Variants in ADAM2 observed in about 807,000 individuals in gnomAD.
ADAM2 encodes ADAM metallopeptidase domain 2.
Under a neutral mutation model 99.3 loss-of-function variants are expected in ADAM2, and 101 were observed. That is an observed-to-expected ratio of 1.02 (90% CI 0.87 to 1.20). The LOEUF (loss-of-function observed/expected upper bound fraction) is 1.20, where lower values mean the gene tolerates loss of function less well. Ranked by LOEUF, ADAM2 falls within the 50% of genes most tolerant of loss-of-function variation. The pLI, the probability that ADAM2 is intolerant of heterozygous loss-of-function variation, is 0.00. For synonymous variants in ADAM2, 323 were observed against 287.6 expected, an observed-to-expected ratio of 1.12 and a Z score of -1.25; for missense variants, 948 against 878.7, an observed-to-expected ratio of 1.08 and a Z score of -1.00.
intron 11 of ADAM2, among the ~76,000 whole-genome samples, chr8:39,770,039 C>T (rs1185211444): frequency 6.6e-6 from 1 of 151,360 alleles, no homozygotes; most frequent in East Asian, 1.9e-4. Flanking sequence ...GTCCATCTCC[C>T]GGTTCAAGCA....
intron 6 of ADAM2, among the ~76,000 whole-genome samples, chr8:39,814,687 T>C (rs1804866353): frequency 2.6e-5 from 4 of 151,968 alleles, no homozygotes; most frequent in Admixed American, 2.6e-4. Context: ...TAGATAGATA[T>C]GGGGTGTGTG....
intron 6 of ADAM2, 28 bp downstream of exon 6, chr8:39,820,974 C>A: frequency 6.9e-7 from 1 of 1,457,410 alleles, no homozygotes; most frequent in Non-Finnish European, 9.4e-7. Flanking sequence ...TAGTAATAAC[C>A]ATAGAGTTTG....
At chr8:39,826,312 C>T (rs1160910274) in intron 3 of ADAM2, among the ~76,000 whole-genome samples, 1 of 152,120 alleles carries the variant, frequency 6.6e-6, no homozygotes, top group Admixed American at 6.6e-5. Context: ...TGGTGTTTGA[C>T]AAAATTGTCA....
rs547990668 is a variant in ADAM2 at position 39,784,513 on chromosome 8, GGCCTTCCACCAT to G, written c.891+2449_891+2460del. Among the ~76,000 whole-genome samples, 9 of 152,130 alleles carry G rather than the reference GGCCTTCCACCAT, an allele frequency of 5.9e-5. No individual in the cohort carries two copies. The South Asian group carries it at 1.9e-3, about 32-fold the overall frequency. On this transcript the variant is annotated intron_variant, in intron 10 of 20. Coordinates refer to ENST00000265708, the MANE Select transcript of ADAM2 (RefSeq NM_001464.5). ...CTCCTACCTCAGTTAGGACTACAGG[GGCCTTCCACCAT>G]GCCTGGCGAATATTTATATTTTTTT...
intron 4 of ADAM2, among the ~76,000 whole-genome samples, chr8:39,822,754 T>G (rs1437000571): frequency 1.3e-5 from 2 of 151,966 alleles, no homozygotes; most frequent in Non-Finnish European, 2.9e-5. Flanking sequence ...CTGTTTTTTT[T>G]TTGTTTTGTT....
At chr8:39,811,928 G>A (rs1308490524) in intron 6 of ADAM2, among the ~76,000 whole-genome samples, 2 of 152,114 alleles carry the variant, frequency 1.3e-5, no homozygotes, top group African/African-American at 2.4e-5. Flanking sequence ...TTCTGGCCAG[G>A]GCAATCAGGC....
At chr8:39,744,949 CT>C (rs1823389506) in intron 19 of ADAM2, 56 bp from the exon 20 acceptor site, 1 of 1,371,256 alleles carries the variant, frequency 7.3e-7, no homozygotes, top group African/African-American at 1.5e-5. Flanking sequence ...TTTTACAAAC[CT>C]CTGTATTATC....
At chr8:39,764,958 G>C (rs1802512413) in intron 14 of ADAM2, among the ~76,000 whole-genome samples, 1 of 151,988 alleles carries the variant, frequency 6.6e-6, no homozygotes, top group Admixed American at 6.6e-5. Context: ...GGGAGGTGAA[G>C]GTTGCAGTAA....
intron 2 of ADAM2, among the ~76,000 whole-genome samples, chr8:39,836,258 T>C (rs1171571668): frequency 6.8e-6 from 1 of 148,018 alleles, no homozygotes; most frequent in East Asian, 1.9e-4. Context: ...GTTATTCTTG[T>C]TTGAAATACT....
chr8:39,764,500 C>G (rs994114903), intron 14 of ADAM2, among the ~76,000 whole-genome samples: 4 of 152,312 alleles, frequency 2.6e-5, no homozygotes, highest in East Asian at 1.9e-4. Context: ...ATGACCAAAT[C>G]AGAGCCTTTC....
chr8:39,785,326 C>T (rs1054130877), intron 10 of ADAM2, among the ~76,000 whole-genome samples: 4 of 152,172 alleles, frequency 2.6e-5, no homozygotes. Context: ...AACACCATCT[C>T]ACACCAGTCA....
intron 7 of ADAM2, among the ~76,000 whole-genome samples, chr8:39,789,640 T>C (rs1204756353): frequency 1.3e-5 from 2 of 151,724 alleles, no homozygotes; most frequent in East Asian, 1.9e-4. Context: ...GATTCTAACA[T>C]TTACAGTCAA....
At chr8:39,786,545 C>T (rs369601272) in intron 10 of ADAM2, among the ~76,000 whole-genome samples, 10 of 151,952 alleles carry the variant, frequency 6.6e-5, no homozygotes, top group Admixed American at 3.3e-4. Context: ...CATTTGGTTC[C>T]GTTATTCTTT....
intron 10 of ADAM2, 129 bp downstream of exon 10, chr8:39,786,845 T>G: frequency 1.5e-6 from 1 of 667,536 alleles, no homozygotes; most frequent in Non-Finnish European, 2.4e-6. Context: ...GTTTAAACAT[T>G]TCTGTCAGCA....
intron 4 of ADAM2, among the ~76,000 whole-genome samples, chr8:39,823,778 A>G (rs1305571978): frequency 6.6e-6 from 1 of 152,118 alleles, no homozygotes; most frequent in Non-Finnish European, 1.5e-5. Flanking sequence ...ATATATTTAT[A>G]TAGACTACTC....
At chr8:39,829,593 A>G (rs1805538192) in intron 3 of ADAM2, among the ~76,000 whole-genome samples, 1 of 151,948 alleles carries the variant, frequency 6.6e-6, no homozygotes, top group Admixed American at 6.6e-5. Context: ...AAATTAGTAT[A>G]CTACTTTGGA....
chr8:39,826,999 T>C (rs551101654), intron 3 of ADAM2, among the ~76,000 whole-genome samples: 1 of 151,400 alleles, frequency 6.6e-6, no homozygotes, highest in East Asian at 1.9e-4. Context: ...CAACTATACA[T>C]CTAATAAGGG....
At chr8:39,774,028 G>C (rs1802889264) in intron 11 of ADAM2, among the ~76,000 whole-genome samples, 1 of 151,804 alleles carries the variant, frequency 6.6e-6, no homozygotes, top group South Asian at 2.1e-4. Context: ...AGAAAAGCAA[G>C]ATTATTTAAA....
intron 11 of ADAM2, among the ~76,000 whole-genome samples, chr8:39,771,158 C>T (rs1802765721): frequency 6.6e-6 from 1 of 152,152 alleles, no homozygotes; most frequent in Non-Finnish European, 1.5e-5. Context: ...CTTACTGTCC[C>T]CTCCATCAAA....
Sources: allele counts gnomAD v4.1 joint callset (sites outside exome capture counted in the v4.1 genomes callset), GRCh38; gene constraint gnomAD v4.1.1; transcripts MANE v1.5; gene names NCBI Gene and HGNC (gene_info 2026-07-23, HGNC 2026-07-21).